Variants in LRSAM1 observed in about 807,000 individuals in gnomAD.
The protein encoded by LRSAM1 is leucine rich repeat and sterile alpha motif containing 1.
LRSAM1 carries 96 observed loss-of-function variants against 118.1 expected under a neutral mutation model. The observed-to-expected ratio is 0.81, with a 90% CI of 0.69 to 0.96. The LOEUF is 0.96. Ranked by LOEUF, LRSAM1 falls within the 40% of genes least tolerant of loss-of-function variation. The pLI is 0.00. For synonymous variants in LRSAM1, 322 were observed against 364.2 expected (o/e 0.88, Z 1.32); for missense variants, 804 against 915.5 (o/e 0.88, Z 1.57).
intron 9 of LRSAM1, 33 bp downstream of exon 9, chr9:127,462,406 C>T: frequency 6.2e-7 from 1 of 1,613,230 alleles, no homozygotes. Context: ...CTGGGGTGCT[C>T]TCTGGCCTGC....
At position 127,502,873 on chromosome 9, in the gene LRSAM1, C is replaced by G. The variant is rs772786050; in HGVS notation, c.2146C>G (p.Arg716Gly). 2 of 1,607,240 alleles carry G rather than the reference C, an allele frequency of 1.2e-6. No individual in the cohort carries two copies. Among genetic ancestry groups the G allele is most frequent in the South Asian group, 2.2e-5 (2 of 90,052 alleles). Reference sequence around the variant, plus strand: ...GCTGTGCCGCCAGGACATCGCCCAGCGCCTCCGCATCTACCACAGCAGCTG... The same window carrying G: ...GCTGTGCCGCCAGGACATCGCCCAGGGCCTCCGCATCTACCACAGCAGCTG... ...CPLCRQDIAQ[R>G]LRIYHSS The change falls in exon 26 of 26, where the codon CGC (arginine) becomes GGC (glycine). Residue 716 changes from arginine to glycine, a missense_variant. Arg to Gly is a moderately radical substitution (Grantham distance 125). Transcript: ENST00000300417.
chr9:127,471,148 G>A (rs1835152424), intron 10 of LRSAM1, among the ~76,000 whole-genome samples: 1 of 152,022 alleles, frequency 6.6e-6, no homozygotes. Context: ...CCTGGCCAAT[G>A]GCTGAGCTAG....
At chr9:127,455,923 T>C (rs367996197) in intron 5 of LRSAM1, among the ~76,000 whole-genome samples, 2 of 152,312 alleles carry the variant, frequency 1.3e-5, no homozygotes, top group Admixed American at 6.5e-5. Flanking sequence ...CCTGAGGTAT[T>C]GTGAGAATTA....
chr9:127,469,807 C>CA (rs891729221), intron 10 of LRSAM1, among the ~76,000 whole-genome samples: 86 of 151,734 alleles, frequency 5.7e-4, no homozygotes, highest in African/African-American at 1.7e-3. Flanking sequence ...ACTAAAAATA[C>CA]AAAAAAAATT....
rs536034722 is a variant in LRSAM1, at chr9:127,485,901, G to A, written c.1259+66G>A. 2,268 of 1,517,742 alleles carry A rather than the reference G, an allele frequency of 1.5e-3. 8 individuals are homozygous for A. The highest frequency in any genetic ancestry group is 1.6e-3 in the Non-Finnish European group (1,719 of 1,097,076). The allele number at this position is 1,517,742 out of a possible 1,614,324, so 94.0% of individuals were successfully genotyped here. ...GAGCTGGCTCAGGGCCCAAGACCGT[G>A]GGATGAGAGCTGGGCACTAAACCTC... On this transcript the variant is annotated intron_variant, in intron 17 of 25. Transcript: ENST00000300417.
chr9:127,455,463 C>A, intron 4 of LRSAM1, 113 bp from the exon 5 acceptor site: 2 of 1,062,412 alleles, frequency 1.9e-6, no homozygotes, highest in Non-Finnish European at 2.9e-6. Context: ...CCTGCTGTGG[C>A]GTTTTGCCCT....
At chr9:127,479,035 G>C in intron 12 of LRSAM1, 72 bp downstream of exon 12, 1 of 1,506,026 alleles carries the variant, frequency 6.6e-7, no homozygotes, top group Admixed American at 1.7e-5. Flanking sequence ...TAAAATATTT[G>C]AGAAAATGAC....
At chr9:127,457,017 C>T (rs1017599412) in intron 5 of LRSAM1, among the ~76,000 whole-genome samples, 14 of 152,184 alleles carry the variant, frequency 9.2e-5, no homozygotes, top group Non-Finnish European at 1.8e-4. Context: ...CTATTTTCCA[C>T]GTGAAGACGC....
Position 127,467,775 on chromosome 9 carries a change from G to T in LRSAM1, c.564G>T (p.Pro188=), listed in dbSNP as rs774399646. The T allele has an allele frequency of 6.8e-6, 11 of 1,610,746 alleles. No individual in the cohort carries two copies. The highest frequency in any genetic ancestry group is 7.6e-6 in the Non-Finnish European group (9 of 1,179,310). Residue 188 remains proline (P), a synonymous_variant, in exon 10 of 26, where the codon CCG becomes CCT. Transcript: ENST00000300417. ...LSLDASAMVY[P]PREVCGAGTA... ...TTGACGCCTCGGCCATGGTCTACCC[G>T]CCGCGGGAGGTGTGTGGTGCCGGCA...
intron 8 of LRSAM1, among the ~76,000 whole-genome samples, chr9:127,461,846 A>C (rs1406580887): frequency 1.3e-5 from 2 of 152,374 alleles, no homozygotes; most frequent in Admixed American, 1.3e-4. Context: ...CACTTCCTGC[A>C]GAGTGCCTCT....
At chr9:127,488,062 G>A (rs1338846599) in intron 18 of LRSAM1, among the ~76,000 whole-genome samples, 4 of 152,108 alleles carry the variant, frequency 2.6e-5, no homozygotes, top group Non-Finnish European at 5.9e-5. Context: ...AGGAGGTGAT[G>A]GTGACCACAC....
intron 1 of LRSAM1, 91 bp downstream of exon 1, chr9:127,451,760 C>T (rs1834329941): frequency 1.1e-5 from 2 of 189,048 alleles, no homozygotes; most frequent in Admixed American, 5.7e-5. Flanking sequence ...CCCAGTACCG[C>T]GGCGACCCCT....
intron 5 of LRSAM1, among the ~76,000 whole-genome samples, chr9:127,456,573 G>T (rs942047347): frequency 6.6e-6 from 1 of 151,870 alleles, no homozygotes; most frequent in African/African-American, 2.4e-5. Context: ...TAAGAAAAAT[G>T]CAGTAGATTG....
chr9:127,479,259 G>T, intron 12 of LRSAM1, 124 bp from the exon 13 acceptor site: 1 of 1,400,096 alleles, frequency 7.1e-7, no homozygotes. Flanking sequence ...GAGGGGAGTG[G>T]GGGTTGCTCA....
chr9:127,477,925 T>A (rs1835396640), intron 11 of LRSAM1, among the ~76,000 whole-genome samples: 1 of 151,770 alleles, frequency 6.6e-6, no homozygotes, highest in African/African-American at 2.4e-5. Context: ...GGTGGGTGCC[T>A]GTAATCCCAG....
chr9:127,465,683 C>A lies in LRSAM1; in HGVS notation c.529-2057C>A, dbSNP rs1335953374. ...GGGCTGGGGGACCTGAGCTACCCTT[C>A]CCACCCAGCCACTTGTGTTACAGCA... is the stretch of plus-strand genomic sequence containing the variant. On this transcript the variant is annotated intron_variant, in intron 9 of 25. Transcript: ENST00000300417. This position sits in a 1 kb window ranked among gnomAD's most constrained non-coding sequence, Gnocchi z 4.1. Among the ~76,000 whole-genome samples the A allele has an allele frequency of 6.6e-6, 1 of 152,238 alleles. No individual in the cohort carries two copies. Among genetic ancestry groups the A allele is most frequent in the African/African-American group, 2.4e-5 (1 of 41,460 alleles).
At chr9:127,489,814 C>T (rs1187628897) in intron 19 of LRSAM1, among the ~76,000 whole-genome samples, 14 of 152,260 alleles carry the variant, frequency 9.2e-5, no homozygotes, top group Non-Finnish European at 1.9e-4. Flanking sequence ...GCTTTGACTG[C>T]TCCAGCTGCC....
intron 10 of LRSAM1, 69 bp from the exon 11 acceptor site, chr9:127,473,732 G>T: frequency 6.2e-7 from 1 of 1,610,602 alleles, no homozygotes; most frequent in Non-Finnish European, 8.5e-7. Flanking sequence ...CCTGGCAGTG[G>T]GAGCGGGTGT....
At chr9:127,485,412 G>C (rs575723153) in intron 16 of LRSAM1, among the ~76,000 whole-genome samples, 1 of 151,858 alleles carries the variant, frequency 6.6e-6, no homozygotes, top group Non-Finnish European at 1.5e-5. Context: ...AAAAAATTAG[G>C]CGGGCGTGGT....
Sources: allele counts gnomAD v4.1 joint callset (sites outside exome capture counted in the v4.1 genomes callset), GRCh38; gene constraint gnomAD v4.1.1; non-coding constraint Gnocchi (gnomAD v3.1); transcripts MANE v1.5; gene names NCBI Gene and HGNC (gene_info 2026-07-23, HGNC 2026-07-21).